The following PARN variants were observed in gnomAD, a reference collection of about 807,000 sequenced individuals.
PARN encodes poly(A)-specific ribonuclease, also known as poly(A)-specific ribonuclease PARN.
In PARN, 71 loss-of-function variants were observed where a neutral mutation model predicts 102.8. The observed-to-expected ratio is 0.69, with a 90% CI of 0.57 to 0.84. The LOEUF is 0.84. Among genes scored for constraint, PARN ranks in the 40% least tolerant of loss-of-function variants. The pLI is 0.00. For synonymous variants in PARN, 261 were observed against 252.9 expected (o/e 1.03, Z -0.30); for missense variants, 782 against 760.9 (o/e 1.03, Z -0.33).
chr16:14,516,013 A>G (rs1386553077), intron 21 of PARN, among the ~76,000 whole-genome samples: 1 of 152,156 alleles, frequency 6.6e-6, no homozygotes, highest in Non-Finnish European at 1.5e-5. Context: ...AAATCTCAGA[A>G]ATGAGGTCAC....
At chr16:14,441,315 C>A (rs753080351) in intron 23 of PARN, among the ~76,000 whole-genome samples, 1 of 152,150 alleles carries the variant, frequency 6.6e-6, no homozygotes, top group Non-Finnish European at 1.5e-5. Flanking sequence ...AATTAAAAGA[C>A]GGGGAACACA....
At chr16:14,513,230 T>C (rs1435997693) in intron 21 of PARN, among the ~76,000 whole-genome samples, 1 of 152,138 alleles carries the variant, frequency 6.6e-6, no homozygotes, top group Non-Finnish European at 1.5e-5. Flanking sequence ...TGGCCAAAAA[T>C]ATTTTCAAAA....
chr16:14,505,271 A>G (rs1412397507), intron 21 of PARN, among the ~76,000 whole-genome samples: 1 of 152,252 alleles, frequency 6.6e-6, no homozygotes, highest in Non-Finnish European at 1.5e-5. Flanking sequence ...GAATAAACTG[A>G]CAGATATACT....
chr16:14,454,489 G>T (rs964721097), intron 22 of PARN, among the ~76,000 whole-genome samples: 1 of 152,128 alleles, frequency 6.6e-6, no homozygotes, highest in African/African-American at 2.4e-5. Context: ...TCTGCCTAAT[G>T]CAAGATACTA....
At chr16:14,609,209 C>G in intron 7 of PARN, 86 bp from the exon 8 acceptor site, 1 of 657,546 alleles carries the variant, frequency 1.5e-6, no homozygotes, top group Non-Finnish European at 2.6e-6. Flanking sequence ...CAAAAACAGT[C>G]TAACTATAAG....
chr16:14,610,686 A>G lies in PARN; in HGVS notation c.512T>C (p.Val171Ala), dbSNP rs759305419. 8.7e-6 allele frequency: 14 copies of G among 1,611,396 alleles called. No individual in the cohort carries two copies. The highest frequency in any genetic ancestry group is 1.2e-5 in the Non-Finnish European group (14 of 1,177,590). ...CTTCTTTTGATCCTCAGGAATCGTG[A>G]CAGGACATTTTGAAGTGTTAGGAGA... ...YVSPNTSKCP[V>A]TIPEDQKKFI... Residue 171 changes from valine to alanine, a missense_variant, in exon 7 of 24, where the codon GTC (valine) becomes GCC (alanine). Transcript: ENST00000437198.
chr16:14,525,761 A>G (rs1315241410), intron 21 of PARN, among the ~76,000 whole-genome samples: 1 of 152,240 alleles, frequency 6.6e-6, no homozygotes, highest in Non-Finnish European at 1.5e-5. Flanking sequence ...TGTTATTTGC[A>G]CAGAGGTGAA....
In PARN at chr16:14,482,829, T is replaced by C; in HGVS notation, c.1481-2A>G. The C allele has an allele frequency of 1.3e-6, 2 of 1,590,236 alleles. No homozygotes were observed. The highest frequency in any genetic ancestry group is 1.7e-6 in the Non-Finnish European group (2 of 1,171,932). ...CTGCATATTTGCTGGTATTGACAGC[T>C]ACAAGGAAAAGAAAAAAAAATAAAA... On this transcript the variant is annotated splice_acceptor_variant, in intron 21 of 23. Coordinates refer to ENST00000437198, the MANE Select transcript of PARN (RefSeq NM_002582.4). LOFTEE classifies it high-confidence loss of function.
chr16:14,489,022 A>C (rs904577781), intron 21 of PARN, among the ~76,000 whole-genome samples: 1 of 152,194 alleles, frequency 6.6e-6, no homozygotes, highest in Non-Finnish European at 1.5e-5. Flanking sequence ...TACGCAGAAT[A>C]AAATGGATGA....
At position 14,521,463 on chromosome 16, in the gene PARN, G is replaced by A. The variant is rs186642286; in HGVS notation, c.1480+30558C>T. The stretch of plus-strand genomic sequence containing the variant: ...CCACTCCACTGAACATCAGTTCACA[G>A]CCACAGGAACGCTTTTGCTTTCCAT... On this transcript the variant is annotated intron_variant, in intron 21 of 23. Coordinates refer to ENST00000437198, the MANE Select transcript of PARN (RefSeq NM_002582.4). 4.6e-4 allele frequency among the ~76,000 whole-genome samples: 70 copies of A among 152,338 alleles called. 1 individual carries two copies. In the South Asian group the frequency reaches 0.014, roughly 30 times the overall value.
chr16:14,584,296 A>T, intron 16 of PARN, 51 bp downstream of exon 16: 1 of 1,274,906 alleles, frequency 7.8e-7, no homozygotes, highest in Admixed American at 1.7e-5. Flanking sequence ...TACAATATAC[A>T]TCAATAATTA....
At position 14,482,817 on chromosome 16, in the gene PARN, G is replaced by A. The variant is rs750683123; in HGVS notation, c.1491C>T (p.Thr497=). Residue 497 remains threonine, a synonymous_variant, in exon 22 of 24, where the codon ACC becomes ACT. Coordinates refer to ENST00000437198, the MANE Select transcript of PARN (RefSeq NM_002582.4). ...QPEQVKIAVN[T]SKYAESYRIQ... ...TCCGATAGCTTTCTGCATATTTGCT[G>A]GTATTGACAGCTACAAGGAAAAGAA... The A allele has an allele frequency of 6.2e-7, 1 of 1,605,858 alleles. No individual in the cohort carries two copies. Among genetic ancestry groups the A allele is most frequent in the South Asian group, 1.1e-5 (1 of 89,068 alleles).
intron 22 of PARN, among the ~76,000 whole-genome samples, chr16:14,449,214 A>T (rs1019153076): frequency 2.6e-5 from 4 of 152,186 alleles, no homozygotes; most frequent in Admixed American, 2.0e-4. Context: ...GTCTAGAAAT[A>T]GCCCCAACTG....
intron 21 of PARN, among the ~76,000 whole-genome samples, chr16:14,496,654 T>C (rs545205478): frequency 6.6e-6 from 1 of 152,190 alleles, no homozygotes; most frequent in Non-Finnish European, 1.5e-5. Context: ...TCATGTGAAA[T>C]GGCAGATCCT....
At position 14,580,906 on chromosome 16, in the gene PARN, G is replaced by C. The variant is rs1248602970; in HGVS notation, c.1230C>G (p.Ala410=). 4 of 1,609,732 alleles carry C rather than the reference G, an allele frequency of 2.5e-6. No individual in the cohort carries two copies. The highest frequency in any genetic ancestry group is 3.4e-6 in the Non-Finnish European group (4 of 1,176,270). ...FLSPPKIHVS[A]RSKLIEPFFN... Reference sequence around the variant, plus strand: ...AAAAAGGTTCAATGAGTTTTGATCTGGCAGACACATGAATTTTTGGAGGGC... The same window carrying C: ...AAAAAGGTTCAATGAGTTTTGATCTCGCAGACACATGAATTTTTGGAGGGC... Residue 410 remains alanine (A), a synonymous_variant, in exon 18 of 24, where the codon GCC becomes GCG. Transcript: ENST00000437198.
chr16:14,556,132 G>A (rs1218892363), intron 18 of PARN, among the ~76,000 whole-genome samples: 1 of 145,310 alleles, frequency 6.9e-6, no homozygotes, highest in Non-Finnish European at 1.5e-5. Context: ...ACCACATCTG[G>A]CTTTATAATT....
In PARN at chr16:14,456,722, C is replaced by A. The variant is rs370499158; in HGVS notation, c.1671-9641G>T. On this transcript the variant is annotated intron_variant, in intron 22 of 23. Transcript: ENST00000437198. Reference sequence around the variant, plus strand: ...CTGGGCAGGTGGCTCTGAGATTGCACTCCAAGTTCAATGTTCTTGGCACTG... The same window carrying A: ...CTGGGCAGGTGGCTCTGAGATTGCAATCCAAGTTCAATGTTCTTGGCACTG... Among the ~76,000 whole-genome samples the A allele has an allele frequency of 3.3e-5, 5 of 152,284 alleles. No homozygotes were observed. In the East Asian group the frequency reaches 9.6e-4, roughly 29 times the overall value.
intron 6 of PARN, among the ~76,000 whole-genome samples, chr16:14,616,584 A>G (rs1199310799): frequency 6.6e-6 from 1 of 152,178 alleles, no homozygotes; most frequent in Admixed American, 6.6e-5. Flanking sequence ...TTTCTACAAA[A>G]AATTCGAAAA....
chr16:14,561,929 ATCACTGGAGG>A (rs1968092286), intron 18 of PARN, among the ~76,000 whole-genome samples: 2 of 152,264 alleles, frequency 1.3e-5, no homozygotes, highest in Admixed American at 1.3e-4. Context: ...AGGCAGGTGG[ATCACTGGAGG>A]TCAAGAGTTC....
Sources: allele counts gnomAD v4.1 joint callset (sites outside exome capture counted in the v4.1 genomes callset), GRCh38; gene constraint gnomAD v4.1.1; transcripts MANE v1.5; gene names NCBI Gene and HGNC (gene_info 2026-07-23, HGNC 2026-07-21).